ADARB1: variants seen among roughly 807,000 people sequenced by gnomAD.
ADARB1 encodes double-stranded RNA-specific editase 1.
Under a neutral mutation model 52.4 loss-of-function variants are expected in ADARB1, and 10 were observed. The ratio of observed to expected loss-of-function variants is 0.19; its 90% confidence interval spans 0.12 to 0.32. The LOEUF (loss-of-function observed/expected upper bound fraction) is 0.32, where lower values mean the gene tolerates loss of function less well. Ranked by LOEUF, ADARB1 falls within the 10% of genes least tolerant of loss-of-function variation. The pLI, the probability that ADARB1 is intolerant of heterozygous loss-of-function variation, is 1.00. For missense variants in ADARB1, 643 were observed against 922.3 expected, an observed-to-expected ratio of 0.70 and a Z score of 3.92; for synonymous variants, 349 against 371.1, an observed-to-expected ratio of 0.94 and a Z score of 0.68.
intron 1 of ADARB1, among the ~76,000 whole-genome samples, chr21:45,104,330 C>T (rs970597605): frequency 2.0e-5 from 3 of 152,110 alleles, no homozygotes; most frequent in Non-Finnish European, 4.4e-5. Flanking sequence ...CGGAGTTGTC[C>T]TGTGCAGTGG....
intron 2 of ADARB1, among the ~76,000 whole-genome samples, chr21:45,149,421 G>A (rs1307412846): frequency 2.0e-5 from 3 of 152,258 alleles, no homozygotes; most frequent in Admixed American, 6.5e-5. Flanking sequence ...GGGCACCAGA[G>A]TTCAAATGGG....
intron 8 of ADARB1, among the ~76,000 whole-genome samples, chr21:45,197,595 C>T (rs922380418): frequency 6.6e-6 from 1 of 151,830 alleles, no homozygotes; most frequent in African/African-American, 2.4e-5. Flanking sequence ...CGTATGTCCA[C>T]GCAGACTTGT....
At chr21:45,197,619 T>C (rs1323754610) in intron 8 of ADARB1, among the ~76,000 whole-genome samples, 2 of 152,118 alleles carry the variant, frequency 1.3e-5, no homozygotes, top group African/African-American at 4.8e-5. Context: ...TGAATGTTTG[T>C]AGGACTTTCT....
Position 45,204,488 on chromosome 21 carries a change from G to A in ADARB1, c.1566-67G>A, listed in dbSNP as rs1601956233. Reference sequence around the variant, plus strand: ...CCAGTGCATCCCTGTAACCACGCAGGCTTGGGCTGGGCTGCGTCGACACTG... The same window carrying A: ...CCAGTGCATCCCTGTAACCACGCAGACTTGGGCTGGGCTGCGTCGACACTG... On this transcript the variant is annotated intron_variant, in intron 8 of 10. Transcript: ENST00000348831. The surrounding 1 kb of genome is among the most constrained non-coding windows in gnomAD (Gnocchi z 4.4). 6.6e-7 allele frequency: 1 copy of A among 1,526,600 alleles called. No individual in the cohort carries two copies. The highest frequency in any genetic ancestry group is 2.3e-5 in the East Asian group (1 of 44,308). 94.6% of individuals were successfully genotyped at this position (1,526,600 alleles called of 1,614,324 possible).
At chr21:45,158,158 C>T (rs534313318) in intron 2 of ADARB1, among the ~76,000 whole-genome samples, 1 of 152,284 alleles carries the variant, frequency 6.6e-6, no homozygotes, top group African/African-American at 2.4e-5. Flanking sequence ...AAGGGCCCAG[C>T]CTGGCCCTGT....
chr21:45,221,306 A>T lies in ADARB1; in HGVS notation c.1926+292A>T, dbSNP rs748570100. On this transcript the variant is annotated intron_variant, in intron 10 of 10. Transcript: ENST00000348831. This position sits in a 1 kb window ranked among gnomAD's most constrained non-coding sequence, Gnocchi z 4.9. The stretch of plus-strand genomic sequence containing the variant: ...CTCTTACTCTCAGATATTGAAAGTC[A>T]TTATGCAAAACGCAGGGCCAGTCAC... Among the ~76,000 whole-genome samples, 4 of 152,330 alleles carry T rather than the reference A, an allele frequency of 2.6e-5. No individual in the cohort carries two copies. The highest frequency in any genetic ancestry group is 4.4e-5 in the Non-Finnish European group (3 of 68,040).
At chr21:45,085,351 G>A (rs2123652204) in intron 1 of ADARB1, among the ~76,000 whole-genome samples, 1 of 151,802 alleles carries the variant, frequency 6.6e-6, no homozygotes, top group East Asian at 1.9e-4. Flanking sequence ...GAAGAATGGT[G>A]GAAAACACTT....
At position 45,204,453 on chromosome 21, in the gene ADARB1, T is replaced by C; in HGVS notation, c.1566-102T>C. 2.6e-6 allele frequency: 3 copies of C among 1,149,804 alleles called. No homozygotes were observed. In the South Asian group the frequency reaches 4.6e-5, roughly 17 times the overall value. 71.2% of individuals were successfully genotyped at this position (1,149,804 alleles called of 1,614,324 possible). ...CTCCTTCGTCAGTTGGTTGGGATCC[T>C]GCGGAATTGCCAGTGCATCCCTGTA... On this transcript the variant is annotated intron_variant, in intron 8 of 10. Coordinates refer to ENST00000348831, the MANE Select transcript of ADARB1 (RefSeq NM_001112.4). This position sits in a 1 kb window ranked among gnomAD's most constrained non-coding sequence, Gnocchi z 4.4.
intron 1 of ADARB1, among the ~76,000 whole-genome samples, chr21:45,091,821 G>A (rs564090341): frequency 3.5e-4 from 54 of 152,324 alleles, no homozygotes; most frequent in Admixed American, 1.2e-3. Flanking sequence ...GAGTTTAACC[G>A]TGGGCTAGGC....
At chr21:45,190,349 A>G (rs1265772734) in intron 8 of ADARB1, among the ~76,000 whole-genome samples, 1 of 151,932 alleles carries the variant, frequency 6.6e-6, no homozygotes, top group Non-Finnish European at 1.5e-5. Flanking sequence ...AGTTTTTCTT[A>G]TTTTGTTTAG....
chr21:45,108,134 G>A (rs994389739), intron 1 of ADARB1, among the ~76,000 whole-genome samples: 7 of 152,316 alleles, frequency 4.6e-5, no homozygotes, highest in African/African-American at 1.2e-4. Context: ...AATACCAATT[G>A]TGTGAAAACC....
intron 1 of ADARB1, among the ~76,000 whole-genome samples, chr21:45,105,716 C>G (rs944752735): frequency 1.3e-5 from 2 of 152,230 alleles, no homozygotes; most frequent in African/African-American, 4.8e-5. Flanking sequence ...GAGTGTATTT[C>G]TCAGTATGCA....
intron 6 of ADARB1, 114 bp from the exon 7 acceptor site, chr21:45,183,248 T>C (rs1481507699): frequency 2.0e-6 from 2 of 1,001,852 alleles, no homozygotes; most frequent in African/African-American, 3.3e-5. Context: ...AAAATAAATA[T>C]TCCAGTTCAA....
intron 1 of ADARB1, among the ~76,000 whole-genome samples, chr21:45,086,167 A>G (rs2086335407): frequency 6.6e-6 from 1 of 152,218 alleles, no homozygotes; most frequent in African/African-American, 2.4e-5. Context: ...GCCTTTTCAC[A>G]CTGCATTGAG....
rs7279808 is a variant in ADARB1, at chr21:45,204,175, A to G, written c.1566-380A>G. On this transcript the variant is annotated intron_variant, in intron 8 of 10. Coordinates refer to ENST00000348831, the MANE Select transcript of ADARB1 (RefSeq NM_001112.4). This position sits in a 1 kb window ranked among gnomAD's most constrained non-coding sequence, Gnocchi z 4.4. Reference sequence around the variant, plus strand: ...TTATTTCTGGAATTTTTCATTTAATATCTTCAGATCACGGTTGACAGTGAG... The same window carrying G: ...TTATTTCTGGAATTTTTCATTTAATGTCTTCAGATCACGGTTGACAGTGAG... 0.12 allele frequency among the ~76,000 whole-genome samples: 18,399 copies of G among 152,206 alleles called. 1,339 individuals are homozygous for G. Among genetic ancestry groups the G allele is most frequent in the African/African-American group, 0.19 (7,752 of 41,486 alleles).
In ADARB1 at chr21:45,183,386, C is replaced by A. The variant is rs139637757; in HGVS notation, c.1272C>A (p.Ser424=). 4.4e-6 allele frequency: 7 copies of A among 1,600,328 alleles called. No homozygotes were observed. The African/African-American group carries it at 8.1e-5, about 19-fold the overall frequency. The change falls in exon 7 of 11, where the codon TCC becomes TCA. Residue 424 remains serine, a synonymous_variant. Transcript: ENST00000348831. ...GTAACAAAGATGATCAAAAAAGATC[C>A]ATCTTTCAGAAATCAGAGCGAGGGG... ...YLNNKDDQKR[S]IFQKSERGGF... is the part of the protein sequence containing the mutation.
In ADARB1 at chr21:45,088,584, G is replaced by A. The variant is rs148824541; in HGVS notation, c.-220+13791G>A. ...AGGAGCAGTGAGAAAATAGAAAATC[G>A]CCTTCAGGCGGCACTATGGAAATAG... On this transcript the variant is annotated intron_variant, in intron 1 of 10. Coordinates refer to ENST00000348831, the MANE Select transcript of ADARB1 (RefSeq NM_001112.4). Among the ~76,000 whole-genome samples, 16 of 152,296 alleles carry A rather than the reference G, an allele frequency of 1.1e-4. No homozygotes were observed. The East Asian group carries it at 2.9e-3, about 28-fold the overall frequency.
chr21:45,089,342 A>G lies in ADARB1; in HGVS notation c.-220+14549A>G, dbSNP rs150961540. 4.4e-3 allele frequency among the ~76,000 whole-genome samples: 671 copies of G among 152,336 alleles called. 6 individuals are homozygous for G. The highest frequency in any genetic ancestry group is 0.015 in the African/African-American group (638 of 41,574). ...ACATAAAAAGTTGAAAAAGAAACCC[A>G]TGGCAGAATATGATGGGAGAATGGC... On this transcript the variant is annotated intron_variant, in intron 1 of 10. Coordinates refer to ENST00000348831, the MANE Select transcript of ADARB1 (RefSeq NM_001112.4).
chr21:45,199,651 C>G (rs1361574742), intron 8 of ADARB1, among the ~76,000 whole-genome samples: 1 of 152,134 alleles, frequency 6.6e-6, no homozygotes, highest in Non-Finnish European at 1.5e-5. Flanking sequence ...CAGTAAGGCA[C>G]AGAAAACCCC....
Sources: allele counts gnomAD v4.1 joint callset (sites outside exome capture counted in the v4.1 genomes callset), GRCh38; gene constraint gnomAD v4.1.1; non-coding constraint Gnocchi (gnomAD v3.1); transcripts MANE v1.5; gene names NCBI Gene and HGNC (gene_info 2026-07-23, HGNC 2026-07-21).